SYTL2: variants seen among roughly 807,000 people sequenced by gnomAD.
The protein encoded by SYTL2 is synaptotagmin-like protein 2.
In SYTL2, 165 loss-of-function variants were observed where a neutral mutation model predicts 198.7. The ratio of observed to expected loss-of-function variants is 0.83; its 90% CI spans 0.73 to 0.94. SYTL2 has a LOEUF of 0.94. Among genes scored for constraint, SYTL2 ranks in the 40% least tolerant of loss-of-function variants. The pLI, the probability that SYTL2 is intolerant of heterozygous loss-of-function variation, is 0.00. For synonymous variants in SYTL2, 966 were observed against 917.7 expected (o/e 1.05, Z -0.95); for missense variants, 2,835 against 2,582.8 (o/e 1.10, Z -2.12).
the SYTL2 span, among the ~76,000 whole-genome samples, chr11:85,840,627 A>G: frequency 6.6e-6 from 1 of 152,282 alleles, no homozygotes; most frequent in African/African-American, 2.4e-5. Flanking sequence ...AACAATGGGG[A>G]AAAACTCCCT....
At chr11:85,820,017 G>A in the SYTL2 span, among the ~76,000 whole-genome samples, 8 of 152,198 alleles carry the variant, frequency 5.3e-5, no homozygotes, top group Non-Finnish European at 1.0e-4. Flanking sequence ...CAAATACAAA[G>A]CGCAGATCAT....
At chr11:85,780,677 C>A (rs1216300699) in intron 1 of SYTL2, among the ~76,000 whole-genome samples, 2 of 152,198 alleles carry the variant, frequency 1.3e-5, no homozygotes, top group African/African-American at 4.8e-5. Flanking sequence ...CATCCATATC[C>A]TTTGCAATAT....
In SYTL2 at chr11:85,737,636, G is replaced by A. The variant is rs17744245; in HGVS notation, c.410C>T (p.Ala137Val). 0.027 allele frequency: 43,326 copies of A among 1,613,016 alleles called. 871 individuals are homozygous for A. Among genetic ancestry groups the A allele is most frequent in the Admixed American group, 0.08 (4,811 of 59,966 alleles). Residue 137 changes from alanine (A) to valine (V), a missense_variant, in exon 5 of 20, where the codon GCT (alanine) becomes GTT (valine). Around this residue, in one of 3 missense-constraint regions of SYTL2, gnomAD observed 2,645 missense variants for 2,381.7 expected, o/e 1.11. Transcript: ENST00000359152. ...ASPSSSVVNP[A>V]SSVIDMSQEN... ...CTGGGACATATCAATCACACTGGAA[G>A]CTGGATTTACCACACTGGAACTGCA...
intron 6 of SYTL2, among the ~76,000 whole-genome samples, chr11:85,735,233 A>T (rs953667871): frequency 3.9e-5 from 6 of 152,234 alleles, no homozygotes; most frequent in African/African-American, 1.4e-4. Context: ...TCGAAAAATC[A>T]TGTATAAACT....
At chr11:85,765,934 G>A (rs1350310670) in intron 1 of SYTL2, among the ~76,000 whole-genome samples, 1 of 152,172 alleles carries the variant, frequency 6.6e-6, no homozygotes, top group Non-Finnish European at 1.5e-5. Context: ...TGGGCTATGT[G>A]AGGAGACAGC....
chr11:85,745,179 T>C (rs1177697584), intron 4 of SYTL2, among the ~76,000 whole-genome samples: 1 of 152,198 alleles, frequency 6.6e-6, no homozygotes, highest in Non-Finnish European at 1.5e-5. Flanking sequence ...CATAGTCAAA[T>C]GGCTAATAAA....
In SYTL2 at chr11:85,719,027, C is replaced by T. The variant is rs899007801; in HGVS notation, c.5429-184G>A. Reference sequence around the variant, plus strand: ...TTAGCTCCTTGAGCCAGTGCCATAGCGGGAGCTCCCATTTCAGCCCGGATG... The same window carrying T: ...TTAGCTCCTTGAGCCAGTGCCATAGTGGGAGCTCCCATTTCAGCCCGGATG... On this transcript the variant is annotated intron_variant, in intron 9 of 19. Transcript: ENST00000359152. 30 of 1,522,942 alleles carry T rather than the reference C, an allele frequency of 2.0e-5. No individual in the cohort carries two copies. The African/African-American group carries it at 2.9e-4, about 15-fold the overall frequency. The allele number at this position is 1,522,942 out of a possible 1,614,324, so 94.3% of individuals were successfully genotyped here.
In SYTL2 at chr11:85,727,860, T is replaced by C. The variant is rs775908154; in HGVS notation, c.1498A>G (p.Thr500Ala). Reference sequence around the variant, plus strand: ...GCATATGGACCAGAACGTGAAGATGTCTTAGCTTTTAGAGCCGGGAGAGGA... The same window carrying C: ...GCATATGGACCAGAACGTGAAGATGCCTTAGCTTTTAGAGCCGGGAGAGGA... ...PPPLPALKAK[T>A]SSRSGPYATE... is the part of the protein sequence containing the mutation. The change falls in exon 8 of 20, where the codon ACA becomes GCA. Residue 500 changes from threonine to alanine, a missense_variant. By Grantham distance (58) the Thr-to-Ala change is moderately conservative. This residue lies in a region of SYTL2 where 2,645 missense variants were observed against 2,381.7 expected (regional missense o/e 1.11). Coordinates refer to ENST00000359152, the MANE Select transcript of SYTL2 (RefSeq NM_206927.4). 6 of 1,612,658 alleles carry C rather than the reference T, an allele frequency of 3.7e-6. No individual in the cohort carries two copies. The highest frequency in any genetic ancestry group is 1.1e-5 in the South Asian group (1 of 90,778).
the SYTL2 span, among the ~76,000 whole-genome samples, chr11:85,830,562 T>C: frequency 6.3e-3 from 957 of 151,826 alleles, 12 homozygotes; most frequent in African/African-American, 0.022. Flanking sequence ...CTTTGTGTCT[T>C]TGTCTAGGAC....
chr11:85,738,750 T>C (rs776359703), intron 4 of SYTL2, among the ~76,000 whole-genome samples: 1 of 152,200 alleles, frequency 6.6e-6, no homozygotes, highest in Non-Finnish European at 1.5e-5. Flanking sequence ...GTGTTCTGCA[T>C]AATCTTCCTT....
At chr11:85,709,187 T>A in intron 14 of SYTL2, 144 bp downstream of exon 14, 1 of 787,192 alleles carries the variant, frequency 1.3e-6, no homozygotes, top group Admixed American at 2.4e-5. Context: ...ATTTATAGAA[T>A]AAAACAGCAT....
chr11:85,851,507 T>G, the SYTL2 span, among the ~76,000 whole-genome samples: 1 of 152,256 alleles, frequency 6.6e-6, no homozygotes, highest in Non-Finnish European at 1.5e-5. Flanking sequence ...ATATTTGGCT[T>G]CTTCTACTAT....
the SYTL2 span, chr11:85,853,041 G>C: frequency 3.2e-6 from 1 of 312,894 alleles, no homozygotes; most frequent in Non-Finnish European, 6.2e-6. Context: ...TGTCTGGGAA[G>C]TGAGGAGCGC....
At chr11:85,741,778 G>C (rs2090807359) in intron 4 of SYTL2, among the ~76,000 whole-genome samples, 1 of 152,216 alleles carries the variant, frequency 6.6e-6, no homozygotes, top group Middle Eastern at 3.4e-3. Context: ...GAGCATTGTG[G>C]GGGAAAACTA....
chr11:85,699,778 G>C (rs777359967), intron 17 of SYTL2, among the ~76,000 whole-genome samples: 17 of 152,182 alleles, frequency 1.1e-4, no homozygotes, highest in Non-Finnish European at 2.4e-4. Context: ...AATGGAGCAA[G>C]GAGCTGGCTG....
At chr11:85,760,453 G>T (rs2092066299) in intron 1 of SYTL2, among the ~76,000 whole-genome samples, 1 of 152,134 alleles carries the variant, frequency 6.6e-6, no homozygotes, top group Admixed American at 6.6e-5. Flanking sequence ...ATGAATAAAT[G>T]AACCTGATTC....
At chr11:85,736,202 T>C (rs191612859) in intron 6 of SYTL2, among the ~76,000 whole-genome samples, 1 of 152,320 alleles carries the variant, frequency 6.6e-6, no homozygotes, top group South Asian at 2.1e-4. Flanking sequence ...TACTGTTAAG[T>C]GGAAGACTGA....
intron 1 of SYTL2, among the ~76,000 whole-genome samples, chr11:85,806,393 G>C (rs1388587770): frequency 6.6e-6 from 1 of 152,086 alleles, no homozygotes; most frequent in Non-Finnish European, 1.5e-5. Flanking sequence ...TGCCCAAATG[G>C]GCACTAGGCA....
chr11:85,734,085 G>C lies in SYTL2; in HGVS notation c.1244C>G (p.Ser415Cys), dbSNP rs780473376. 1.9e-6 allele frequency: 3 copies of C among 1,614,204 alleles called. No individual in the cohort carries two copies. The highest frequency in any genetic ancestry group is 2.2e-5 in the South Asian group (2 of 91,084). The change falls in exon 7 of 20, where the codon TCT (serine) becomes TGT (cysteine). Residue 415 changes from serine (S) to cysteine (C), a missense_variant. Around this residue, in one of 3 missense-constraint regions of SYTL2, gnomAD observed 2,645 missense variants for 2,381.7 expected, o/e 1.11. Coordinates refer to ENST00000359152, the MANE Select transcript of SYTL2 (RefSeq NM_206927.4). Reference protein sequence around the residue: ...SETHQPMTSGSFPINGLHSHS... With the variant: ...SETHQPMTSGCFPINGLHSHS... ...AGAATGCAGCCCATTAATTGGAAAA[G>C]AACCAGAAGTCATTGGCTGATGTGT...
Sources: allele counts gnomAD v4.1 joint callset (sites outside exome capture counted in the v4.1 genomes callset), GRCh38; gene constraint gnomAD v4.1.1; regional missense constraint gnomAD v4.1.1; transcripts MANE v1.5; gene names NCBI Gene and HGNC (gene_info 2026-07-23, HGNC 2026-07-21).